The following KASH5 variants were observed in gnomAD, a reference collection of about 807,000 sequenced individuals.
KASH5 encodes the protein KASH domain containing 5.
Under a neutral mutation model 84.2 loss-of-function variants are expected in KASH5, and 72 were observed. The observed-to-expected ratio is 0.85, with a 90% CI of 0.71 to 1.04. The LOEUF (loss-of-function observed/expected upper bound fraction) is 1.04, where lower values mean the gene tolerates loss of function less well. KASH5 is among the 50% of genes least tolerant of loss of function. The probability of loss-of-function intolerance (pLI) is 0.00; values close to 1 mark genes in which losing one functional copy is unlikely to be tolerated. For synonymous variants in KASH5, 260 were observed against 279.1 expected, an observed-to-expected ratio of 0.93 and a Z score of 0.68; for missense variants, 650 against 701.0, an observed-to-expected ratio of 0.93 and a Z score of 0.82.
chr19:49,407,344 C>T (rs958502615), intron 11 of KASH5, 48 bp downstream of exon 11: 11 of 1,578,582 alleles, frequency 7.0e-6, no homozygotes, highest in Non-Finnish European at 9.6e-6. Flanking sequence ...TGTGCACCAG[C>T]CACTTCCTGC....
In KASH5 at chr19:49,399,910, T is replaced by C. The variant is rs1347638956; in HGVS notation, c.798+403T>C. 9.7e-6 allele frequency: 2 copies of C among 206,482 alleles called. No individual in the cohort carries two copies. The highest frequency in any genetic ancestry group is 2.3e-5 in the African/African-American group (1 of 44,284). The allele number at this position is 206,482 out of a possible 1,614,324, so 12.8% of individuals were successfully genotyped here. On this transcript the variant is annotated intron_variant, in intron 9 of 19. Transcript: ENST00000447857. The surrounding 1 kb of genome is among the most constrained non-coding windows in gnomAD (Gnocchi z 4.4). The stretch of plus-strand genomic sequence containing the variant: ...TGTGCTCACTAAAAGTTATCTAGCA[T>C]TGTTTCTATATTAGTATTTTTTACA...
rs958748335 is a variant in KASH5, at chr19:49,390,740, G to A, written c.-95-49G>A. ...GCACAGGTGGGGCTAGGCAGGCCCC[G>A]ACCCTTGGTGGCTGCTCTGAGGACA... is the stretch of plus-strand genomic sequence containing the variant. On this transcript the variant is annotated intron_variant, in intron 1 of 19. Coordinates refer to ENST00000447857, the MANE Select transcript of KASH5 (RefSeq NM_144688.5). The A allele has an allele frequency of 4.4e-5, 40 of 916,508 alleles. No individual in the cohort carries two copies. In the Admixed American group the frequency reaches 4.7e-4, roughly 11 times the overall value. The allele number at this position is 916,508 out of a possible 1,614,324, so 56.8% of individuals were successfully genotyped here. A position where few individuals can be genotyped will look rare whatever the true frequency, so the allele number is the denominator to read the frequency against.
chr19:49,401,384 G>A (rs535663702), intron 9 of KASH5, among the ~76,000 whole-genome samples: 20 of 152,302 alleles, frequency 1.3e-4, no homozygotes, highest in Admixed American at 6.5e-4. Flanking sequence ...GTCCCTGTCC[G>A]TCACTCATTT....
intron 2 of KASH5, among the ~76,000 whole-genome samples, chr19:49,392,686 C>T (rs1045266169): frequency 3.3e-5 from 5 of 152,018 alleles, no homozygotes; most frequent in African/African-American, 4.8e-5. Flanking sequence ...CCAAGGTGGG[C>T]GGATCACTTG....
chr19:49,407,123 A>G, intron 10 of KASH5, 117 bp from the exon 11 acceptor site: 1 of 1,358,718 alleles, frequency 7.4e-7, no homozygotes. Flanking sequence ...GAAGTCCTGG[A>G]ACATCTCAGG....
chr19:49,410,728 T>A (rs1974683650), intron 15 of KASH5, among the ~76,000 whole-genome samples: 1 of 152,168 alleles, frequency 6.6e-6, no homozygotes, highest in Admixed American at 6.6e-5. Flanking sequence ...TCTTAGGTGA[T>A]CTGCCCGCCT....
chr19:49,405,528 A>G (rs1974497124), intron 9 of KASH5, among the ~76,000 whole-genome samples: 1 of 152,018 alleles, frequency 6.6e-6, no homozygotes, highest in Non-Finnish European at 1.5e-5. Flanking sequence ...AGTTATTGTT[A>G]ATTTTGTTAA....
Position 49,417,366 on chromosome 19 carries a change from C to G in KASH5, c.1548-3C>G, listed in dbSNP as rs1419164114. ...CCTAAATGCTCTCCCACCTCCCCAC[C>G]AGAGTCACTCGACATCCACTGATCC... On this transcript the variant is annotated splice_polypyrimidine_tract_variant and splice_region_variant and intron_variant, in intron 19 of 19. Coordinates refer to ENST00000447857, the MANE Select transcript of KASH5 (RefSeq NM_144688.5). This position sits in a 1 kb window ranked among gnomAD's most constrained non-coding sequence, Gnocchi z 5.2. 6.4e-7 allele frequency: 1 copy of G among 1,552,230 alleles called. No homozygotes were observed. Among genetic ancestry groups the G allele is most frequent in the Non-Finnish European group, 8.7e-7 (1 of 1,146,938 alleles).
Position 49,409,866 on chromosome 19 carries a change from T to C in KASH5, c.1260T>C (p.Ala420=), listed in dbSNP as rs374497830. 3.7e-6 allele frequency: 6 copies of C among 1,613,526 alleles called. No homozygotes were observed. The African/African-American group carries it at 6.7e-5, about 18-fold the overall frequency. Residue 420 remains alanine (A), a synonymous_variant, in exon 15 of 20, where the codon GCT becomes GCC. Transcript: ENST00000447857. ...CTGAGTTTCCATCTGAAGCCCCAGC[T>C]GGGGGACAGGTGAGCACAGGAAAAG... is the stretch of plus-strand genomic sequence containing the variant. ...EETEFPSEAP[A]GGQRNFQGEP...
At chr19:49,392,517 G>A (rs1451352444) in intron 2 of KASH5, among the ~76,000 whole-genome samples, 2 of 152,190 alleles carry the variant, frequency 1.3e-5, no homozygotes, top group African/African-American at 2.4e-5. Flanking sequence ...ACGACCTGAT[G>A]CCAGTCCTGA....
chr19:49,390,685 A>C (rs898434872), intron 1 of KASH5, 104 bp from the exon 2 acceptor site: 11 of 550,566 alleles, frequency 2.0e-5, no homozygotes, highest in Non-Finnish European at 3.4e-5. Context: ...GGGGGTGACA[A>C]ACAGGTTGTG....
chr19:49,395,786 A>G lies in KASH5; in HGVS notation c.353A>G (p.Glu118Gly). The change falls in exon 5 of 20, where the codon GAG becomes GGG. Residue 118 changes from glutamate (E) to glycine (G), a missense_variant. Physicochemically the swap from Glu to Gly is moderately conservative, Grantham distance 98 (BLOSUM62 -2). Transcript: ENST00000447857. The surrounding 1 kb of genome is among the most constrained non-coding windows in gnomAD (Gnocchi z 4.4). Reference protein sequence around the residue: ...CQLHGGLELEEETAFQGALTS... With the variant: ...CQLHGGLELEGETAFQGALTS... ...TGATACAGGGGATTAGAGCTGGAAG[A>G]GGAGACCGCCTTCCAGGGAGCCCTG... The G allele has an allele frequency of 6.4e-7, 1 of 1,563,192 alleles. No individual in the cohort carries two copies. Among genetic ancestry groups the G allele is most frequent in the Non-Finnish European group, 8.7e-7 (1 of 1,153,842 alleles).
intron 1 of KASH5, chr19:49,390,455 C>T (rs1973965586): frequency 5.7e-6 from 1 of 176,660 alleles, no homozygotes; most frequent in Admixed American, 6.4e-5. Flanking sequence ...CTCTGGGGCC[C>T]TGTGGGGACA....
chr19:49,412,045 G>A lies in KASH5; in HGVS notation c.1270-923G>A, dbSNP rs530380073. On this transcript the variant is annotated intron_variant, in intron 15 of 19. Transcript: ENST00000447857. The surrounding 1 kb of genome is among the most constrained non-coding windows in gnomAD (Gnocchi z 4.6). Reference sequence around the variant, plus strand: ...CTTGGCATAAAATCACGATATGCTTGAGGAGTAGAGGGTAACTAGGGGTGA... The same window carrying A: ...CTTGGCATAAAATCACGATATGCTTAAGGAGTAGAGGGTAACTAGGGGTGA... Among the ~76,000 whole-genome samples, 1 of 152,316 alleles carries A rather than the reference G, an allele frequency of 6.6e-6. No individual in the cohort carries two copies. The highest frequency in any genetic ancestry group is 6.5e-5 in the Admixed American group (1 of 15,306).
rs1974939644 is a variant in KASH5, at chr19:49,417,279, G to C, written c.1547+13G>C. 1 of 1,607,582 alleles carries C rather than the reference G, an allele frequency of 6.2e-7. No individual in the cohort carries two copies. Among genetic ancestry groups the C allele is most frequent in the Non-Finnish European group, 8.5e-7 (1 of 1,177,124 alleles). On this transcript the variant is annotated intron_variant, in intron 19 of 19. Transcript: ENST00000447857. The surrounding 1 kb of genome is among the most constrained non-coding windows in gnomAD (Gnocchi z 5.2). ...CACAGCGGCTCAGGTGTGCCCCCAG[G>C]CGTCTCCAGAAGGAAGGAGGTGGTC...
At chr19:49,413,425 G>A (rs1974790267) in intron 16 of KASH5, among the ~76,000 whole-genome samples, 1 of 152,236 alleles carries the variant, frequency 6.6e-6, no homozygotes, top group Non-Finnish European at 1.5e-5. Context: ...CCAGGCCTCT[G>A]AGGATGGAGA....
At position 49,408,952 on chromosome 19, in the gene KASH5, C is replaced by G. The variant is rs779522911; in HGVS notation, c.994-15C>G. On this transcript the variant is annotated splice_polypyrimidine_tract_variant and intron_variant, in intron 12 of 19. Transcript: ENST00000447857. The stretch of plus-strand genomic sequence containing the variant: ...AATGCAGAGCCAAATGTGCTCCCCA[C>G]TTCCTCCTTTGCAGGAACTGAGGCT... The G allele has an allele frequency of 6.4e-6, 10 of 1,570,162 alleles. No individual in the cohort carries two copies. In the East Asian group the frequency reaches 1.9e-4, roughly 29 times the overall value.
intron 7 of KASH5, 83 bp downstream of exon 7, chr19:49,398,226 G>T: frequency 7.9e-7 from 1 of 1,267,050 alleles, no homozygotes; most frequent in Non-Finnish European, 1.1e-6. Flanking sequence ...TCCCATGCTC[G>T]TGTCTGCATC....
Position 49,407,303 on chromosome 19 carries a change from G to A in KASH5, c.933+7G>A, listed in dbSNP as rs377455499. 2.9e-5 allele frequency: 46 copies of A among 1,613,528 alleles called. No individual in the cohort carries two copies. The African/African-American group carries it at 4.5e-4, about 16-fold the overall frequency. On this transcript the variant is annotated splice_region_variant and intron_variant, in intron 11 of 19. Coordinates refer to ENST00000447857, the MANE Select transcript of KASH5 (RefSeq NM_144688.5). ...AGACACCATCCTCTCTGAGGTAAGG[G>A]GCCCCGGGAGGGAAAGAGATTCGCT...
Sources: gnomAD v4.1 joint callset for allele counts (sites outside exome capture counted in the v4.1 genomes callset) on GRCh38, gnomAD v4.1.1 for gene constraint, Gnocchi (gnomAD v3.1) non-coding constraint, MANE v1.5 for transcripts, NCBI Gene and HGNC (gene_info 2026-07-23, HGNC 2026-07-21) for gene names.